CTNNA3: variants seen among roughly 807,000 people sequenced by gnomAD.
The protein encoded by CTNNA3 is catenin alpha 3.
CTNNA3 carries 76 observed loss-of-function variants against 95.7 expected under a neutral mutation model. The ratio of observed to expected loss-of-function variants is 0.79; its 90% CI spans 0.66 to 0.96. The LOEUF is 0.96. Ranked by LOEUF, CTNNA3 falls within the 40% of genes least tolerant of loss-of-function variation. CTNNA3 has a pLI of 0.00. For missense variants in CTNNA3, 1,191 were observed against 1,089.8 expected, an observed-to-expected ratio of 1.09 and a Z score of -1.31; for synonymous variants, 431 against 374.4, an observed-to-expected ratio of 1.15 and a Z score of -1.74.
At chr10:66,281,984 A>C (rs973587758) in intron 12 of CTNNA3, among the ~76,000 whole-genome samples, 2 of 151,880 alleles carry the variant, frequency 1.3e-5, no homozygotes, top group African/African-American at 4.8e-5. Flanking sequence ...AATTAAATTC[A>C]TTAGCCTCAA....
At chr10:67,199,622 G>GGTGGGTGCTGGGATTACA (rs1276509892) in intron 6 of CTNNA3, among the ~76,000 whole-genome samples, 1 of 151,982 alleles carries the variant, frequency 6.6e-6, no homozygotes, top group Non-Finnish European at 1.5e-5. Flanking sequence ...ACCCACCTCG[G>GGTGGGTGCTGGGATTACA]CCTCCCAAAG....
chr10:66,096,526 CTTTT>C (rs5785749), intron 14 of CTNNA3, among the ~76,000 whole-genome samples: 1 of 135,418 alleles, frequency 7.4e-6, no homozygotes, highest in Non-Finnish European at 1.6e-5. Flanking sequence ...TCTTTTCTTT[CTTTT>C]TTTTTTTTTT....
At position 67,330,211 on chromosome 10, in the gene CTNNA3, T is replaced by C. The variant is rs533187596; in HGVS notation, c.580-110341A>G. 2.6e-5 allele frequency among the ~76,000 whole-genome samples: 4 copies of C among 152,368 alleles called. No homozygotes were observed. In the East Asian group the frequency reaches 7.7e-4, roughly 29 times the overall value. On this transcript the variant is annotated intron_variant, in intron 5 of 17. Coordinates refer to ENST00000433211, the MANE Select transcript of CTNNA3 (RefSeq NM_013266.4). ...TTTAGAAGACAAGGACAATTCATAT[T>C]GGAGGCAACATCTCACTGTCACATC...
At chr10:66,066,453 G>T (rs2080315208) in intron 15 of CTNNA3, among the ~76,000 whole-genome samples, 1 of 152,140 alleles carries the variant, frequency 6.6e-6, no homozygotes, top group Non-Finnish European at 1.5e-5. Flanking sequence ...GAGAGAAAGA[G>T]AGAAGCAGAG....
chr10:66,366,603 C>T (rs981114815), intron 12 of CTNNA3, among the ~76,000 whole-genome samples: 1 of 152,080 alleles, frequency 6.6e-6, no homozygotes, highest in South Asian at 2.1e-4. Flanking sequence ...GCATCCTCCC[C>T]AGACATTGAA....
chr10:66,026,086 A>G (rs188383803), intron 15 of CTNNA3, among the ~76,000 whole-genome samples: 3 of 152,304 alleles, frequency 2.0e-5, no homozygotes, highest in Admixed American at 1.3e-4. Flanking sequence ...AAAGAACCAG[A>G]GGAACAAAAT....
At chr10:66,434,845 T>C (rs2093325775) in intron 11 of CTNNA3, among the ~76,000 whole-genome samples, 1 of 152,236 alleles carries the variant, frequency 6.6e-6, no homozygotes, top group African/African-American at 2.4e-5. Flanking sequence ...TTGAGAGTTT[T>C]TAGCATGAAG....
chr10:67,146,855 C>T (rs1016400184), intron 7 of CTNNA3, among the ~76,000 whole-genome samples: 1 of 152,180 alleles, frequency 6.6e-6, no homozygotes, highest in African/African-American at 2.4e-5. Flanking sequence ...AACATTTTTA[C>T]TGGGCCTATA....
At chr10:66,728,681 C>T (rs541011854) in intron 9 of CTNNA3, among the ~76,000 whole-genome samples, 13 of 152,156 alleles carry the variant, frequency 8.5e-5, no homozygotes, top group African/African-American at 1.7e-4. Flanking sequence ...TTCTGTTTCC[C>T]GCGTTAAGTG....
At chr10:66,833,431 A>C (rs1842791526) in intron 7 of CTNNA3, among the ~76,000 whole-genome samples, 1 of 152,260 alleles carries the variant, frequency 6.6e-6, no homozygotes, top group Non-Finnish European at 1.5e-5. Flanking sequence ...TAGAATAAGC[A>C]TTTAAAAACA....
At chr10:66,400,445 G>C (rs1159861767) in intron 11 of CTNNA3, among the ~76,000 whole-genome samples, 2 of 152,012 alleles carry the variant, frequency 1.3e-5, no homozygotes, top group African/African-American at 4.8e-5. Flanking sequence ...GGGCCTAATG[G>C]CAAATGAAAT....
intron 5 of CTNNA3, among the ~76,000 whole-genome samples, chr10:67,313,534 G>A (rs1385410773): frequency 6.6e-6 from 1 of 152,132 alleles, no homozygotes; most frequent in Non-Finnish European, 1.5e-5. Flanking sequence ...CCAGTCATGT[G>A]ACTCTAATGA....
At chr10:65,950,891 G>C (rs1346453269) in intron 17 of CTNNA3, among the ~76,000 whole-genome samples, 3 of 151,702 alleles carry the variant, frequency 2.0e-5, no homozygotes, top group African/African-American at 7.3e-5. Flanking sequence ...ATCCAGGTTT[G>C]TGTGTGTGTG....
rs1841344221 is a variant in CTNNA3, at chr10:67,742,228, C to A, written c.-2+21206G>T. 1.3e-5 allele frequency among the ~76,000 whole-genome samples: 2 copies of A among 151,152 alleles called. 1 individual carries two copies. The highest frequency in any genetic ancestry group is 1.3e-4 in the Admixed American group (2 of 15,076). On this transcript the variant is annotated intron_variant, in intron 1 of 17. Coordinates refer to the CTNNA3 transcript ENST00000684154. ...TCTCAGCACCACACTGCACTTATTC[C>A]AAAATTTACCACATAGTTGGAAGTA...
rs1055043293 is a variant in CTNNA3, at chr10:66,660,083, A to G, written c.1282-38299T>C. On this transcript the variant is annotated intron_variant, in intron 9 of 17. Transcript: ENST00000433211. ...AAGATCCTTCTGCCTTAGTCTCCCA[A>G]ATTGCCGGTATTACAAGCATGAGCC... 5.3e-5 allele frequency among the ~76,000 whole-genome samples: 8 copies of G among 151,974 alleles called. 1 individual carries two copies. The highest frequency in any genetic ancestry group is 7.4e-5 in the Non-Finnish European group (5 of 67,988).
At chr10:66,291,634 A>C (rs2091682128) in intron 12 of CTNNA3, among the ~76,000 whole-genome samples, 1 of 152,096 alleles carries the variant, frequency 6.6e-6, no homozygotes, top group African/African-American at 2.4e-5. Flanking sequence ...TATTGTATTA[A>C]AGAAGGAATT....
At chr10:67,590,888 G>A (rs1265257680) in intron 3 of CTNNA3, among the ~76,000 whole-genome samples, 2 of 151,936 alleles carry the variant, frequency 1.3e-5, no homozygotes, top group Non-Finnish European at 2.9e-5. Context: ...ATTTGAATTA[G>A]TAAAATTTAA....
In CTNNA3 at chr10:66,364,446, G is replaced by A. The variant is rs528024796; in HGVS notation, c.1732+14706C>T. On this transcript the variant is annotated intron_variant, in intron 12 of 17. Transcript: ENST00000433211. ...CACCTAGTTCTCCAGGAGTAAAAAT[G>A]TATAAGATTGGCAGAAAACTTCTTA... 3.9e-5 allele frequency among the ~76,000 whole-genome samples: 6 copies of A among 152,002 alleles called. No homozygotes were observed. In the East Asian group the frequency reaches 7.7e-4, roughly 20 times the overall value.
intron 9 of CTNNA3, among the ~76,000 whole-genome samples, chr10:66,724,786 C>G (rs1405301990): frequency 6.6e-6 from 1 of 152,132 alleles, no homozygotes; most frequent in African/African-American, 2.4e-5. Context: ...AATATTTTAT[C>G]TCACTACTTC....
Sources: gnomAD v4.1 joint callset for allele counts (sites outside exome capture counted in the v4.1 genomes callset) on GRCh38, gnomAD v4.1.1 for gene constraint, MANE v1.5 for transcripts, NCBI Gene and HGNC (gene_info 2026-07-23, HGNC 2026-07-21) for gene names.